Variants in SHISA9 observed in about 807,000 individuals in gnomAD.
SHISA9 encodes protein shisa-9.
A neutral mutation model predicts 38.0 loss-of-function variants in SHISA9; 13 were observed. That is an observed-to-expected ratio of 0.34 (90% confidence interval 0.22 to 0.54). The LOEUF (loss-of-function observed/expected upper bound fraction) is 0.54. SHISA9 is among the 20% of genes least tolerant of loss of function. The pLI is 0.91. For synonymous variants in SHISA9, 275 were observed against 242.0 expected, an observed-to-expected ratio of 1.14 and a Z score of -1.27; for missense variants, 538 against 575.8, an observed-to-expected ratio of 0.93 and a Z score of 0.67.
intron 2 of SHISA9, among the ~76,000 whole-genome samples, chr16:13,123,270 G>C (rs946421229): frequency 6.6e-6 from 1 of 152,202 alleles, no homozygotes; most frequent in African/African-American, 2.4e-5. Context: ...CTTGGGAAGC[G>C]GGGCAGGCAG....
At chr16:12,988,323 T>TC (rs1288605527) in intron 2 of SHISA9, among the ~76,000 whole-genome samples, 4 of 152,158 alleles carry the variant, frequency 2.6e-5, no homozygotes, top group African/African-American at 9.7e-5. Flanking sequence ...AATAACATTC[T>TC]CCCGCAGGTC....
intron 2 of SHISA9, among the ~76,000 whole-genome samples, chr16:13,169,182 C>T (rs942768742): frequency 6.6e-6 from 1 of 152,164 alleles, no homozygotes; most frequent in East Asian, 1.9e-4. Flanking sequence ...TTCACCCCTC[C>T]CAGCTCCATT....
At chr16:13,431,817 T>C in the SHISA9 span, among the ~76,000 whole-genome samples, 1 of 152,186 alleles carries the variant, frequency 6.6e-6, no homozygotes, top group African/African-American at 2.4e-5. Flanking sequence ...TCCCAGAACT[T>C]TGGGAGGCTG....
chr16:12,908,765 C>T (rs2071140524), intron 1 of SHISA9: 3 of 1,398,508 alleles, frequency 2.1e-6, no homozygotes, highest in East Asian at 2.7e-5. Context: ...CCCCGGCAGG[C>T]CCAGACGTCT....
chr16:12,999,326 G>A (rs1389185821), intron 2 of SHISA9, among the ~76,000 whole-genome samples: 1 of 152,198 alleles, frequency 6.6e-6, no homozygotes, highest in African/African-American at 2.4e-5. Context: ...GCTGATACAA[G>A]GAGGCAGAGG....
chr16:13,139,657 G>C (rs2141994819), intron 2 of SHISA9, among the ~76,000 whole-genome samples: 1 of 152,048 alleles, frequency 6.6e-6, no homozygotes, highest in South Asian at 2.1e-4. Context: ...CCCTGTCTTG[G>C]AAACAATTCT....
At chr16:13,098,703 C>T (rs949673406) in intron 2 of SHISA9, among the ~76,000 whole-genome samples, 15 of 152,190 alleles carry the variant, frequency 9.9e-5, no homozygotes, top group African/African-American at 3.6e-4. Context: ...ACTGCAGGCT[C>T]CCATCCACTC....
At chr16:13,196,075 A>G (rs1313373545) in intron 2 of SHISA9, among the ~76,000 whole-genome samples, 455 of 78,610 alleles carry the variant, frequency 5.8e-3, no homozygotes, top group Middle Eastern at 0.043. Flanking sequence ...GGGACAGAGC[A>G]AGACTCTCTC....
At position 13,184,987 on chromosome 16, in the gene SHISA9, T is replaced by C. The variant is rs576899997; in HGVS notation, c.692-18407T>C. Among the ~76,000 whole-genome samples, 14 of 152,330 alleles carry C rather than the reference T, an allele frequency of 9.2e-5. No homozygotes were observed. In the Middle Eastern group the frequency reaches 0.017, roughly 185 times the overall value. ...TGGAGGATCATATTGTAAGTATATG[T>C]CTAAAAAGAAACTATTTTCCCAAAA... On this transcript the variant is annotated intron_variant, in intron 2 of 4. Coordinates refer to ENST00000558583, the MANE Select transcript of SHISA9 (RefSeq NM_001145204.3).
intron 2 of SHISA9, among the ~76,000 whole-genome samples, chr16:13,194,097 C>G (rs75429859): frequency 0.019 from 2,949 of 152,202 alleles, 45 homozygotes; most frequent in Non-Finnish European, 0.03. Flanking sequence ...CTTCTCACAT[C>G]CCCCCAAGAA....
At chr16:13,008,153 A>G (rs919166718) in intron 2 of SHISA9, among the ~76,000 whole-genome samples, 6 of 152,200 alleles carry the variant, frequency 3.9e-5, no homozygotes, top group Non-Finnish European at 8.8e-5. Flanking sequence ...TCAAATAAGA[A>G]TAGACATTGG....
the SHISA9 span, among the ~76,000 whole-genome samples, chr16:13,559,298 G>A: frequency 6.6e-6 from 1 of 152,056 alleles, no homozygotes; most frequent in Non-Finnish European, 1.5e-5. Context: ...AAAGCCCAGA[G>A]AAGGGTAGTG....
At chr16:13,447,530 C>T in the SHISA9 span, among the ~76,000 whole-genome samples, 1 of 152,214 alleles carries the variant, frequency 6.6e-6, no homozygotes, top group Non-Finnish European at 1.5e-5. Context: ...AGACCCACTA[C>T]AGATGCTGCA....
At chr16:13,001,013 C>T (rs749773386) in intron 2 of SHISA9, among the ~76,000 whole-genome samples, 21 of 152,124 alleles carry the variant, frequency 1.4e-4, no homozygotes, top group Non-Finnish European at 1.0e-4. Flanking sequence ...CTGCCAACTC[C>T]GCGTCCCAGG....
At chr16:13,473,865 T>C in the SHISA9 span, among the ~76,000 whole-genome samples, 3 of 152,200 alleles carry the variant, frequency 2.0e-5, no homozygotes, top group South Asian at 2.1e-4. Context: ...CTGTTTGGAA[T>C]TTGGATGCAA....
Position 13,145,632 on chromosome 16 carries a change from C to T in SHISA9, c.692-57762C>T, listed in dbSNP as rs370045928. 9.2e-5 allele frequency among the ~76,000 whole-genome samples: 14 copies of T among 152,272 alleles called. No homozygotes were observed. In the East Asian group the frequency reaches 9.6e-4, roughly 10 times the overall value. On this transcript the variant is annotated intron_variant, in intron 2 of 4. Coordinates refer to ENST00000558583, the MANE Select transcript of SHISA9 (RefSeq NM_001145204.3). ...TTGCTTACCTACAAAAGGGAATAATCGTGATTTTTGTTGAGAGAATTAAAG... is the reference window on the plus strand; with the variant it reads ...TTGCTTACCTACAAAAGGGAATAATTGTGATTTTTGTTGAGAGAATTAAAG...
chr16:13,330,254 C>T, the SHISA9 span, among the ~76,000 whole-genome samples: 1 of 152,160 alleles, frequency 6.6e-6, no homozygotes, highest in African/African-American at 2.4e-5. Context: ...ACTTGATCAA[C>T]CAGGATTTTT....
In SHISA9 at chr16:13,205,847, C is replaced by T. The variant is rs528423345; in HGVS notation, c.847+2298C>T. On this transcript the variant is annotated intron_variant, in intron 3 of 4. Coordinates refer to ENST00000558583, the MANE Select transcript of SHISA9 (RefSeq NM_001145204.3). ...CACGATATCGGTTCACTGCAACATC[C>T]GTCTCCGGAGTTCAAGTGATTCTCC... Among the ~76,000 whole-genome samples the T allele has an allele frequency of 1.3e-3, 193 of 152,120 alleles. 1 individual carries two copies. The highest frequency in any genetic ancestry group is 4.5e-3 in the African/African-American group (185 of 41,522).
At chr16:13,093,449 A>C (rs117017213) in intron 2 of SHISA9, among the ~76,000 whole-genome samples, 4 of 152,208 alleles carry the variant, frequency 2.6e-5, no homozygotes, top group African/African-American at 9.6e-5. Flanking sequence ...CAAAGGGTCC[A>C]TACAAGAGGA....
Sources: gnomAD v4.1 joint callset for allele counts (sites outside exome capture counted in the v4.1 genomes callset) on GRCh38, gnomAD v4.1.1 for gene constraint, MANE v1.5 for transcripts, NCBI Gene and HGNC (gene_info 2026-07-23, HGNC 2026-07-21) for gene names.